The following TAMM41 variants were observed in gnomAD, a reference collection of about 807,000 sequenced individuals.
TAMM41 encodes TAM41 mitochondrial translocator assembly and maintenance homolog, also known as phosphatidate cytidylyltransferase, mitochondrial.
Under a neutral mutation model 44.1 loss-of-function variants are expected in TAMM41, and 36 were observed. The observed-to-expected ratio is 0.82, with a 90% CI of 0.63 to 1.08. TAMM41 has a LOEUF of 1.08. Ranked by LOEUF, TAMM41 falls within the 50% of genes least tolerant of loss-of-function variation. The pLI is 0.00. For missense variants in TAMM41, 417 were observed against 404.3 expected (o/e 1.03, Z -0.27); for synonymous variants, 164 against 153.1 (o/e 1.07, Z -0.53).
the TAMM41 span, among the ~76,000 whole-genome samples, chr3:11,765,881 T>C: frequency 2.0e-5 from 3 of 152,070 alleles, no homozygotes; most frequent in Non-Finnish European, 4.4e-5. Context: ...TTTCTATTTT[T>C]AGTAGAGACT....
the TAMM41 span, among the ~76,000 whole-genome samples, chr3:11,725,380 CCTCCTCCTTCTTT>C: frequency 7.6e-6 from 1 of 132,190 alleles, no homozygotes; most frequent in African/African-American, 2.9e-5. Context: ...TCCTCCTCTT[CCTCCTCCTTCTTT>C]TTCTTCTTCC....
intron 7 of TAMM41, chr3:11,807,531 G>A: frequency 6.5e-7 from 1 of 1,536,122 alleles, no homozygotes. Context: ...GCAATCCTAT[G>A]CATCTGTAAC....
At chr3:11,756,006 C>A in the TAMM41 span, among the ~76,000 whole-genome samples, 3 of 152,218 alleles carry the variant, frequency 2.0e-5, no homozygotes, top group East Asian at 5.8e-4. Flanking sequence ...CTCTACACTC[C>A]CTGGATTAGA....
the TAMM41 span, among the ~76,000 whole-genome samples, chr3:11,731,103 G>A: frequency 1.3e-5 from 2 of 152,162 alleles, no homozygotes; most frequent in Non-Finnish European, 2.9e-5. Flanking sequence ...AGTCATGTGA[G>A]CCCCTACTGC....
the TAMM41 span, among the ~76,000 whole-genome samples, chr3:11,754,037 T>G: frequency 6.6e-6 from 1 of 152,164 alleles, no homozygotes; most frequent in Non-Finnish European, 1.5e-5. Flanking sequence ...TTTCTCCACC[T>G]GCTCCTAAGT....
chr3:11,833,140 T>A, intron 3 of TAMM41: 2 of 1,285,354 alleles, frequency 1.6e-6, no homozygotes. Context: ...CTTGGGACAC[T>A]GCCAGAGAGG....
the TAMM41 span, among the ~76,000 whole-genome samples, chr3:11,760,115 G>C: frequency 6.6e-6 from 1 of 152,228 alleles, no homozygotes; most frequent in African/African-American, 2.4e-5. Flanking sequence ...TGCCCTCTCA[G>C]TAAGCTTTTT....
the TAMM41 span, among the ~76,000 whole-genome samples, chr3:11,779,174 C>T: frequency 6.6e-6 from 1 of 152,150 alleles, no homozygotes; most frequent in Non-Finnish European, 1.5e-5. Flanking sequence ...CATGTGACCT[C>T]TACACACTGG....
rs80187386 is a variant in TAMM41 at position 11,821,511 on chromosome 3, T to C, written c.563-4174A>G. Among the ~76,000 whole-genome samples the C allele has an allele frequency of 1.9e-4, 29 of 152,322 alleles. No homozygotes were observed. The East Asian group carries it at 5.2e-3, about 27-fold the overall frequency. On this transcript the variant is annotated intron_variant, in intron 4 of 7. Coordinates refer to ENST00000455809, the MANE Select transcript of TAMM41 (RefSeq NM_001284401.2). ...CAGGCAGTAATGCAAGTGATGGAGA[T>C]TGGCTGTCAATACAAATGAAGCTCG...
At chr3:11,748,094 C>G in the TAMM41 span, among the ~76,000 whole-genome samples, 1 of 151,710 alleles carries the variant, frequency 6.6e-6, no homozygotes, top group African/African-American at 2.4e-5. Flanking sequence ...AGGCTGGTCT[C>G]AAACTCCTGG....
chr3:11,723,957 G>A, the TAMM41 span, among the ~76,000 whole-genome samples: 4 of 152,074 alleles, frequency 2.6e-5, no homozygotes, highest in East Asian at 7.7e-4. Flanking sequence ...TGAAGCTGAG[G>A]ATGGGTACAG....
chr3:11,840,471 G>C (rs768745515), intron 2 of TAMM41, among the ~76,000 whole-genome samples: 1 of 152,028 alleles, frequency 6.6e-6, no homozygotes, highest in Non-Finnish European at 1.5e-5. Flanking sequence ...CTGACCTCAG[G>C]TGATCCACTC....
At chr3:11,786,847 G>C (rs556489708), downstream of TAMM41, among the ~76,000 whole-genome samples, 125 of 152,168 alleles carry the variant, frequency 8.2e-4, no homozygotes, top group African/African-American at 2.8e-3. Flanking sequence ...TCCCACCTCA[G>C]CCTCCCAAAG....
At chr3:11,733,042 A>AG in the TAMM41 span, among the ~76,000 whole-genome samples, 164 of 136,252 alleles carry the variant, frequency 1.2e-3, 1 homozygote, top group Middle Eastern at 0.016. Context: ...TCTGTCATCT[A>AG]GGCTGGAGTG....
At chr3:11,824,540 C>T (rs1044895095) in intron 4 of TAMM41, among the ~76,000 whole-genome samples, 2 of 149,588 alleles carry the variant, frequency 1.3e-5, no homozygotes, top group Admixed American at 6.6e-5. Context: ...GTGATCCATC[C>T]GCCTCCACCT....
At chr3:11,813,864 GTATATATATGTATA>G (rs1559286988) in intron 5 of TAMM41, among the ~76,000 whole-genome samples, 24 of 143,100 alleles carry the variant, frequency 1.7e-4, no homozygotes, top group Non-Finnish European at 7.6e-5. Context: ...GTGTATGTAT[GTATATATATGTATA>G]TATGTATATA....
intron 3 of TAMM41, among the ~76,000 whole-genome samples, chr3:11,837,204 T>C (rs1196883526): frequency 6.6e-5 from 10 of 152,182 alleles, no homozygotes; most frequent in Non-Finnish European, 1.5e-5. Flanking sequence ...ATTTTTCCCA[T>C]AGATAGCTAC....
At chr3:11,814,532 G>T (rs1004719322) in intron 5 of TAMM41, among the ~76,000 whole-genome samples, 10 of 151,954 alleles carry the variant, frequency 6.6e-5, no homozygotes, top group Admixed American at 6.6e-4. Flanking sequence ...AAGGAAAAAA[G>T]GTTAAACCAG....
Position 11,839,362 on chromosome 3 carries a change from T to C in TAMM41, c.319-48A>G, listed in dbSNP as rs1182824951. The C allele has an allele frequency of 1.0e-5, 12 of 1,199,862 alleles. No homozygotes were observed. In the South Asian group the frequency reaches 1.5e-4, roughly 15 times the overall value. 74.3% of individuals were successfully genotyped at this position (1,199,862 alleles called of 1,614,324 possible). ...CAAAACGGAGTAAAATACCATGTTATTGCTTATACAAGTATAAAATATAAG... is the reference window on the plus strand; with the variant it reads ...CAAAACGGAGTAAAATACCATGTTACTGCTTATACAAGTATAAAATATAAG... On this transcript the variant is annotated intron_variant, in intron 2 of 7. Coordinates refer to ENST00000455809, the MANE Select transcript of TAMM41 (RefSeq NM_001284401.2).
Sources: gnomAD v4.1 joint callset for allele counts (sites outside exome capture counted in the v4.1 genomes callset) on GRCh38, gnomAD v4.1.1 for gene constraint, MANE v1.5 for transcripts, NCBI Gene and HGNC (gene_info 2026-07-23, HGNC 2026-07-21) for gene names.